Variants in MIPEP observed in about 807,000 individuals in gnomAD.
MIPEP encodes mitochondrial intermediate peptidase.
In MIPEP, 79 loss-of-function variants were observed where a neutral mutation model predicts 90.3. That is an observed-to-expected ratio of 0.87 (90% CI 0.73 to 1.05). The LOEUF (loss-of-function observed/expected upper bound fraction) is 1.05, where lower values mean the gene tolerates loss of function less well. MIPEP is among the 50% of genes least tolerant of loss of function. The pLI is 0.00. For synonymous variants in MIPEP, 334 were observed against 315.8 expected, an observed-to-expected ratio of 1.06 and a Z score of -0.61; for missense variants, 940 against 905.6, an observed-to-expected ratio of 1.04 and a Z score of -0.49.
At chr13:23,836,186 TA>T (rs1869031692) in intron 14 of MIPEP, 53 bp downstream of exon 14, 2 of 1,181,476 alleles carry the variant, frequency 1.7e-6, no homozygotes, top group Non-Finnish European at 1.2e-6. Context: ...CAGGATGTCA[TA>T]AACGCCAACT....
At chr13:23,781,885 A>G (rs1348049005) in intron 16 of MIPEP, among the ~76,000 whole-genome samples, 6 of 152,246 alleles carry the variant, frequency 3.9e-5, no homozygotes, top group Non-Finnish European at 8.8e-5. Context: ...TAAAGGGATC[A>G]ATTCAACAAG....
chr13:23,831,428 GC>G (rs1868756824), intron 14 of MIPEP, among the ~76,000 whole-genome samples: 1 of 146,194 alleles, frequency 6.8e-6, no homozygotes. Flanking sequence ...ATTTTGTGTT[GC>G]TATAACAGAA....
intron 18 of MIPEP, among the ~76,000 whole-genome samples, chr13:23,740,102 C>T (rs924616168): frequency 6.6e-6 from 1 of 152,114 alleles, no homozygotes; most frequent in Non-Finnish European, 1.5e-5. Flanking sequence ...GGTTGTCACA[C>T]TGGAGGAGTG....
At chr13:23,822,562 T>A (rs1953319163) in intron 14 of MIPEP, among the ~76,000 whole-genome samples, 1 of 152,184 alleles carries the variant, frequency 6.6e-6, no homozygotes, top group South Asian at 2.1e-4. Flanking sequence ...TGAGACACAA[T>A]CAGCCATTGC....
chr13:23,753,804 A>G (rs1952465186), intron 18 of MIPEP, among the ~76,000 whole-genome samples: 1 of 152,158 alleles, frequency 6.6e-6, no homozygotes, highest in Admixed American at 6.5e-5. Context: ...AAATAATCTA[A>G]AAGTTTGCCT....
chr13:23,731,222 T>C (rs1952201009), intron 18 of MIPEP, among the ~76,000 whole-genome samples: 1 of 152,226 alleles, frequency 6.6e-6, no homozygotes, highest in African/African-American at 2.4e-5. Context: ...TATACTGATA[T>C]TTACTTTGGG....
intron 7 of MIPEP, among the ~76,000 whole-genome samples, chr13:23,867,958 A>G (rs1593200704): frequency 6.6e-6 from 1 of 151,494 alleles, no homozygotes; most frequent in African/African-American, 2.4e-5. Context: ...AAATAAAAAT[A>G]TGGTACTATT....
chr13:23,767,899 C>G (rs1386233727), intron 16 of MIPEP, among the ~76,000 whole-genome samples: 1 of 152,010 alleles, frequency 6.6e-6, no homozygotes, highest in African/African-American at 2.4e-5. Context: ...CTTTTAGAAA[C>G]AGAATAATAC....
At position 23,809,746 on chromosome 13, in the gene MIPEP, G is replaced by A. The variant is rs1027396130; in HGVS notation, c.1728+104C>T. ...AACTCAGATGAAAGATGTTTTAGAA[G>A]CATAATTATTATAATAAATAGGTAT... On this transcript the variant is annotated intron_variant, in intron 15 of 18. Transcript: ENST00000382172. 4 of 747,088 alleles carry A rather than the reference G, an allele frequency of 5.4e-6. No individual in the cohort carries two copies. In the African/African-American group the frequency reaches 5.4e-5, roughly 10 times the overall value. 46.3% of individuals were successfully genotyped at this position (747,088 alleles called of 1,614,324 possible). A position where few individuals can be genotyped will look rare whatever the true frequency, so the allele number is the denominator to read the frequency against.
chr13:23,864,006 A>G (rs1337097716), intron 8 of MIPEP, 135 bp downstream of exon 8: 4 of 528,744 alleles, frequency 7.6e-6, no homozygotes, highest in Non-Finnish European at 1.3e-5. Context: ...AGTATGTCTC[A>G]TAGTGAGACA....
intron 18 of MIPEP, among the ~76,000 whole-genome samples, chr13:23,744,249 T>C (rs1450381794): frequency 6.6e-6 from 1 of 152,238 alleles, no homozygotes; most frequent in Non-Finnish European, 1.5e-5. Context: ...AGCATACTAG[T>C]TGGCACATGC....
chr13:23,844,236 C>T (rs1869434944), intron 10 of MIPEP, among the ~76,000 whole-genome samples: 1 of 151,952 alleles, frequency 6.6e-6, no homozygotes, highest in Non-Finnish European at 1.5e-5. Flanking sequence ...AAGGAAGACA[C>T]AGAACAGTTC....
intron 10 of MIPEP, among the ~76,000 whole-genome samples, chr13:23,842,991 G>C (rs1024260103): frequency 2.0e-5 from 3 of 151,538 alleles, no homozygotes; most frequent in African/African-American, 7.3e-5. Flanking sequence ...CCAGCTACTC[G>C]GGAGGCTGAG....
At chr13:23,888,437 T>C (rs778881733) in intron 1 of MIPEP, among the ~76,000 whole-genome samples, 56 of 152,070 alleles carry the variant, frequency 3.7e-4, no homozygotes, top group Admixed American at 1.0e-3. Context: ...GGACAAAATG[T>C]ACAAACTCCA....
chr13:23,790,902 C>T (rs1390836133), intron 16 of MIPEP, among the ~76,000 whole-genome samples: 1 of 152,134 alleles, frequency 6.6e-6, no homozygotes, highest in African/African-American at 2.4e-5. Flanking sequence ...ATGTTCTTGG[C>T]CCTAACTCAG....
At chr13:23,857,318 A>C (rs1340672397) in intron 10 of MIPEP, among the ~76,000 whole-genome samples, 1 of 152,252 alleles carries the variant, frequency 6.6e-6, no homozygotes, top group Non-Finnish European at 1.5e-5. Flanking sequence ...TTTCACTAAA[A>C]AAAAGACTGA....
At chr13:23,815,316 GA>G (rs1953220279) in intron 14 of MIPEP, among the ~76,000 whole-genome samples, 1 of 43,552 alleles carries the variant, frequency 2.3e-5, no homozygotes, top group Admixed American at 4.0e-4. Context: ...ATAGTTTCCT[GA>G]TTTTTTGTTT....
rs773339550 is a variant in MIPEP, at chr13:23,869,283, C to T, written c.943+9G>A. On this transcript the variant is annotated intron_variant, in intron 7 of 18. Coordinates refer to ENST00000382172, the MANE Select transcript of MIPEP (RefSeq NM_005932.4). Reference sequence around the variant, plus strand: ...ATTTTGCCCTTAAATGTTGGATAAACAGGCTTACCTGGATTTTTAGCTATC... The same window carrying T: ...ATTTTGCCCTTAAATGTTGGATAAATAGGCTTACCTGGATTTTTAGCTATC... 6.4e-7 allele frequency: 1 copy of T among 1,565,804 alleles called. No individual in the cohort carries two copies. The highest frequency in any genetic ancestry group is 8.6e-7 in the Non-Finnish European group (1 of 1,161,108).
chr13:23,820,422 C>T (rs1051068515), intron 14 of MIPEP, among the ~76,000 whole-genome samples: 21 of 152,174 alleles, frequency 1.4e-4, no homozygotes, highest in African/African-American at 4.8e-4. Context: ...CACAGAACAC[C>T]TGCTCCCTCC....
Sources: allele counts gnomAD v4.1 joint callset (sites outside exome capture counted in the v4.1 genomes callset), GRCh38; gene constraint gnomAD v4.1.1; transcripts MANE v1.5; gene names NCBI Gene and HGNC (gene_info 2026-07-23, HGNC 2026-07-21).